DNAJB14: variants seen among roughly 807,000 people sequenced by gnomAD.
DNAJB14 encodes the protein dnaJ homolog subfamily B member 14.
DNAJB14 carries 22 observed loss-of-function variants against 48.4 expected under a neutral mutation model. The ratio of observed to expected loss-of-function variants is 0.45; its 90% CI spans 0.32 to 0.65. The LOEUF is 0.65. Ranked by LOEUF, DNAJB14 falls within the 30% of genes least tolerant of loss-of-function variation. The pLI, the probability that DNAJB14 is intolerant of heterozygous loss-of-function variation, is 0.03. For missense variants in DNAJB14, 319 were observed against 458.8 expected (o/e 0.70, Z 2.78); for synonymous variants, 142 against 158.7 (o/e 0.89, Z 0.79).
chr4:99,943,755 T>C (rs987528931), intron 1 of DNAJB14, among the ~76,000 whole-genome samples: 2 of 152,124 alleles, frequency 1.3e-5, no homozygotes, highest in African/African-American at 4.8e-5. Flanking sequence ...ACTGTCCCTC[T>C]AGGACTAGAT....
intron 1 of DNAJB14, among the ~76,000 whole-genome samples, chr4:99,940,389 T>C (rs1217903352): frequency 1.3e-5 from 2 of 152,100 alleles, no homozygotes; most frequent in African/African-American, 2.4e-5. Flanking sequence ...GGTCAGGAGT[T>C]TGAAACCAGC....
At chr4:99,913,425 T>G (rs1435820209) in intron 3 of DNAJB14, among the ~76,000 whole-genome samples, 1 of 152,188 alleles carries the variant, frequency 6.6e-6, no homozygotes, top group African/African-American at 2.4e-5. Context: ...ATTCCACTGA[T>G]TAATATAATC....
intron 1 of DNAJB14, 62 bp downstream of exon 1, chr4:99,946,377 A>G (rs1334612938): frequency 2.6e-6 from 4 of 1,554,282 alleles, no homozygotes; most frequent in African/African-American, 1.4e-5. Flanking sequence ...AGGTGGGGGC[A>G]GGGGCGGGCT....
At chr4:99,945,190 G>A (rs967401319) in intron 1 of DNAJB14, among the ~76,000 whole-genome samples, 2 of 152,142 alleles carry the variant, frequency 1.3e-5, no homozygotes, top group African/African-American at 4.8e-5. Context: ...AGTTAAGACC[G>A]TAAATTTGGC....
intron 2 of DNAJB14, 113 bp downstream of exon 2, chr4:99,930,337 A>G: frequency 9.0e-7 from 1 of 1,113,272 alleles, no homozygotes; most frequent in East Asian, 2.5e-5. Flanking sequence ...CCAGAGTTCA[A>G]TTCCTTGATG....
Position 99,924,845 on chromosome 4 carries a change from T to C in DNAJB14, c.306-1660A>G, listed in dbSNP as rs775664718. On this transcript the variant is annotated intron_variant, in intron 2 of 7. Transcript: ENST00000442697. ...AAAATCAAAGTTATTCTATAACTAA[T>C]TTGACTGCATAAAAAACTGAATTCA... 3.4e-6 allele frequency: 5 copies of C among 1,474,040 alleles called. No homozygotes were observed. The Admixed American group carries it at 6.9e-5, about 20-fold the overall frequency. The allele number at this position is 1,474,040 out of a possible 1,614,324, so 91.3% of individuals were successfully genotyped here. A position where few individuals can be genotyped will look rare whatever the true frequency, so the allele number is the denominator to read the frequency against.
chr4:99,924,685 A>G, intron 2 of DNAJB14: 1 of 1,588,428 alleles, frequency 6.3e-7, no homozygotes, highest in South Asian at 1.1e-5. Context: ...CTGTGTAGAG[A>G]CTCATTCTCC....
intron 3 of DNAJB14, among the ~76,000 whole-genome samples, chr4:99,920,618 G>A (rs1329639220): frequency 1.3e-5 from 2 of 152,086 alleles, no homozygotes; most frequent in Non-Finnish European, 2.9e-5. Flanking sequence ...CATGTATTTT[G>A]CAAGTCACTT....
At chr4:99,939,867 A>G (rs969834753) in intron 1 of DNAJB14, among the ~76,000 whole-genome samples, 9 of 152,268 alleles carry the variant, frequency 5.9e-5, no homozygotes, top group African/African-American at 1.9e-4. Context: ...TAAATGTCTT[A>G]GCTATCACAT....
Position 99,946,573 on chromosome 4 carries a change from G to A in DNAJB14, c.-2C>T, listed in dbSNP as rs765720718. 1 of 1,613,314 alleles carries A rather than the reference G, an allele frequency of 6.2e-7. No individual in the cohort carries two copies. ...AGCCTCATCCCTGTTCCCCTCCATA[G>A]CTTGCTCCTTCTTCCGTTTCCTCCG... On this transcript the variant is annotated 5_prime_UTR_variant, in exon 1 of 8. Transcript: ENST00000442697.
At chr4:99,910,197 C>A (rs1369294534) in intron 3 of DNAJB14, among the ~76,000 whole-genome samples, 5 of 152,034 alleles carry the variant, frequency 3.3e-5, no homozygotes, top group South Asian at 2.1e-4. Flanking sequence ...GGTGAGTATA[C>A]CCTGCTGAAT....
At chr4:99,904,681 G>A (rs1725405994) in intron 6 of DNAJB14, among the ~76,000 whole-genome samples, 1 of 151,892 alleles carries the variant, frequency 6.6e-6, no homozygotes, top group Admixed American at 6.6e-5. Context: ...CTCTCACATT[G>A]CCTAAAACCA....
At chr4:99,922,494 T>C (rs1476978844) in intron 3 of DNAJB14, 1 of 151,934 alleles carries the variant, frequency 6.6e-6, no homozygotes, top group African/African-American at 2.4e-5. Flanking sequence ...TAAAGAATAT[T>C]GGGATGGAAA....
intron 3 of DNAJB14, among the ~76,000 whole-genome samples, chr4:99,920,337 T>G (rs1175607991): frequency 6.6e-6 from 1 of 152,176 alleles, no homozygotes; most frequent in Non-Finnish European, 1.5e-5. Flanking sequence ...TTCTTAGAGA[T>G]ATACTCTAGA....
rs200523338 is a variant in DNAJB14 at position 99,938,343 on chromosome 4, C to CTT, written c.134-7724_134-7723dup. 5.7e-4 allele frequency among the ~76,000 whole-genome samples: 68 copies of CTT among 120,062 alleles called. 1 individual carries two copies. The highest frequency in any genetic ancestry group is 2.6e-3 in the East Asian group (11 of 4,222). The allele number at this position is 120,062 out of a possible 152,430, so 78.8% of individuals were successfully genotyped here. A position where few individuals can be genotyped will look rare whatever the true frequency, so the allele number is the denominator to read the frequency against. ...CATAAATGCGACATGTGGACATGTG[C>CTT]TTTTTTTTTTTTTTTTTTGCCATAA... is the stretch of plus-strand genomic sequence containing the variant. On this transcript the variant is annotated intron_variant, in intron 1 of 7. Coordinates refer to ENST00000442697, the MANE Select transcript of DNAJB14 (RefSeq NM_001031723.4).
intron 2 of DNAJB14, chr4:99,930,246 G>T: frequency 2.5e-6 from 1 of 403,360 alleles, no homozygotes; most frequent in Non-Finnish European, 4.2e-6. Context: ...GTAACTTGAG[G>T]TTACTTTAAA....
Position 99,938,139 on chromosome 4 carries a change from C to T in DNAJB14, c.134-7518G>A, listed in dbSNP as rs568559144. ...AAAAAAAAAAAAAATAGCTGGGCGT[C>T]GTGGTGCATGCCTGTAATCCCAGCT... On this transcript the variant is annotated intron_variant, in intron 1 of 7. Coordinates refer to ENST00000442697, the MANE Select transcript of DNAJB14 (RefSeq NM_001031723.4). Among the ~76,000 whole-genome samples the T allele has an allele frequency of 1.3e-4, 16 of 123,742 alleles. No individual in the cohort carries two copies. The East Asian group carries it at 1.8e-3, about 14-fold the overall frequency. 81.2% of individuals were successfully genotyped at this position (123,742 alleles called of 152,430 possible). A position where few individuals can be genotyped will look rare whatever the true frequency, so the allele number is the denominator to read the frequency against.
intron 3 of DNAJB14, among the ~76,000 whole-genome samples, chr4:99,912,811 A>T (rs1294096436): frequency 6.6e-6 from 1 of 152,126 alleles, no homozygotes; most frequent in African/African-American, 2.4e-5. Context: ...GAATCTTCCC[A>T]TCCATGAACA....
chr4:99,903,965 C>G (rs1725382815), intron 6 of DNAJB14, 67 bp from the exon 7 acceptor site: 1 of 1,443,600 alleles, frequency 6.9e-7, no homozygotes, highest in Non-Finnish European at 9.5e-7. Flanking sequence ...ATAAACCAAG[C>G]AAACAAAAAC....
Sources: gnomAD v4.1 joint callset for allele counts (sites outside exome capture counted in the v4.1 genomes callset) on GRCh38, gnomAD v4.1.1 for gene constraint, MANE v1.5 for transcripts, NCBI Gene and HGNC (gene_info 2026-07-23, HGNC 2026-07-21) for gene names.